Variants in CPXM2 observed in about 807,000 individuals in gnomAD.
CPXM2 encodes carboxypeptidase X, M14 family member 2.
CPXM2 carries 66 observed loss-of-function variants against 86.1 expected under a neutral mutation model. That is an observed-to-expected ratio of 0.77 (90% CI 0.63 to 0.94). The LOEUF (loss-of-function observed/expected upper bound fraction) is 0.94. Among genes scored for constraint, CPXM2 ranks in the 40% least tolerant of loss-of-function variants. CPXM2 has a pLI of 0.00. For missense variants in CPXM2, 948 were observed against 1,026.3 expected (o/e 0.92, Z 1.04); for synonymous variants, 388 against 400.2 (o/e 0.97, Z 0.36).
intron 2 of CPXM2, among the ~76,000 whole-genome samples, chr10:123,906,906 C>T (rs922426416): frequency 1.3e-5 from 2 of 152,182 alleles, no homozygotes; most frequent in South Asian, 2.1e-4. Context: ...CTGGCTGCCT[C>T]CCTTGCAATA....
Position 123,842,357 on chromosome 10 carries a change from G to A in CPXM2, c.645C>T (p.Ser215=). Residue 215 remains serine, a synonymous_variant, in exon 4 of 14, where the codon TCC becomes TCT. Coordinates refer to ENST00000241305, the MANE Select transcript of CPXM2 (RefSeq NM_198148.3). ...TGTCCAGGTACACTCACAGCCAGAGGGAGTTCCTCCCTTGAGTGATGACAC... is the reference window on the plus strand; with the variant it reads ...TGTCCAGGTACACTCACAGCCAGAGAGAGTTCCTCCCTTGAGTGATGACAC... ...FTGVITQGRN[S]LWLSDWVTSY... is the part of the protein sequence containing the mutation. 1 of 1,614,224 alleles carries A rather than the reference G, an allele frequency of 6.2e-7. No homozygotes were observed. Among genetic ancestry groups the A allele is most frequent in the Non-Finnish European group, 8.5e-7 (1 of 1,180,048 alleles).
At chr10:123,830,872 C>G (rs61863831) in intron 4 of CPXM2, among the ~76,000 whole-genome samples, 3,399 of 142,636 alleles carry the variant, frequency 0.024, 63 homozygotes, top group South Asian at 0.073. Flanking sequence ...CTCTCTCTCT[C>G]TGTGTGTGTG....
At chr10:123,840,022 C>G (rs997867257) in intron 4 of CPXM2, among the ~76,000 whole-genome samples, 1 of 152,190 alleles carries the variant, frequency 6.6e-6, no homozygotes, top group South Asian at 2.1e-4. Context: ...GTGTTTCTAG[C>G]TGAAATGGAA....
intron 2 of CPXM2, among the ~76,000 whole-genome samples, chr10:123,925,220 A>C (rs1474951275): frequency 6.6e-6 from 1 of 152,172 alleles, no homozygotes; most frequent in South Asian, 2.1e-4. Context: ...ACATGTTTCT[A>C]GCAGGGAGAA....
chr10:123,856,555 A>C (rs1251929826), intron 3 of CPXM2, among the ~76,000 whole-genome samples: 5 of 152,078 alleles, frequency 3.3e-5, no homozygotes, highest in African/African-American at 1.2e-4. Flanking sequence ...CCTACAGGCA[A>C]AGGATCCAAG....
chr10:123,916,049 C>G (rs772060240), intron 2 of CPXM2, among the ~76,000 whole-genome samples: 2 of 152,062 alleles, frequency 1.3e-5, no homozygotes, highest in Admixed American at 6.6e-5. Flanking sequence ...TAAGGCTGCT[C>G]TTTCTCAGGC....
intron 10 of CPXM2, among the ~76,000 whole-genome samples, chr10:123,762,651 G>A (rs1846373337): frequency 6.6e-6 from 1 of 152,128 alleles, no homozygotes; most frequent in Non-Finnish European, 1.5e-5. Context: ...GCTGAGATGG[G>A]TCCATGGCGA....
chr10:123,923,805 T>A (rs1945599012), intron 2 of CPXM2, among the ~76,000 whole-genome samples: 1 of 152,132 alleles, frequency 6.6e-6, no homozygotes, highest in Admixed American at 6.5e-5. Context: ...TCTGATGGTT[T>A]TATAAAGGGG....
At chr10:123,796,578 T>TA (rs56107232) in intron 6 of CPXM2, among the ~76,000 whole-genome samples, 1 of 152,162 alleles carries the variant, frequency 6.6e-6, no homozygotes, top group Non-Finnish European at 1.5e-5. Flanking sequence ...GTTTGTATTC[T>TA]AAAAAATCTG....
chr10:123,750,840 G>A (rs566175978), intron 13 of CPXM2: 28 of 985,444 alleles, frequency 2.8e-5, no homozygotes, highest in Admixed American at 6.1e-5. Flanking sequence ...GCCTGGCAGG[G>A]CACGCTGTCC....
Position 123,931,147 on chromosome 10 carries a change from C to T in CPXM2, n.174+8330G>A, listed in dbSNP as rs145495214. On this transcript the variant is annotated intron_variant and non_coding_transcript_variant, in intron 2 of 19. Transcript: ENST00000368854. ...TACCATCATCTGGCAAAGAGACTTC[C>T]GGTGGGAAGGGGTGGGGACCAAGTG... Among the ~76,000 whole-genome samples, 59 of 152,214 alleles carry T rather than the reference C, an allele frequency of 3.9e-4. No homozygotes were observed. The East Asian group carries it at 4.1e-3, about 10-fold the overall frequency.
chr10:123,769,418 CA>C (rs1365499395), intron 8 of CPXM2: 2 of 151,928 alleles, frequency 1.3e-5, no homozygotes, highest in African/African-American at 4.8e-5. Flanking sequence ...CTACAAAAAT[CA>C]AAAATAAAAA....
intron 3 of CPXM2, among the ~76,000 whole-genome samples, chr10:123,854,913 T>C (rs1019946245): frequency 2.6e-5 from 4 of 152,120 alleles, no homozygotes; most frequent in African/African-American, 9.7e-5. Flanking sequence ...CTGAACCAGA[T>C]AATCCTGTGG....
intron 3 of CPXM2, among the ~76,000 whole-genome samples, chr10:123,848,784 C>T (rs1266765528): frequency 6.6e-6 from 1 of 152,222 alleles, no homozygotes; most frequent in Non-Finnish European, 1.5e-5. Context: ...TTCAGAAATG[C>T]ATGCAGGTCA....
chr10:123,841,372 A>G (rs1848382136), intron 4 of CPXM2, among the ~76,000 whole-genome samples: 1 of 152,240 alleles, frequency 6.6e-6, no homozygotes. Flanking sequence ...TAAACATAAC[A>G]TAAAATTTAT....
chr10:123,919,134 A>T (rs889497797), intron 2 of CPXM2, among the ~76,000 whole-genome samples: 1 of 152,184 alleles, frequency 6.6e-6, no homozygotes, highest in Admixed American at 6.5e-5. Flanking sequence ...TAACTGCTGT[A>T]CATCCACTGC....
intron 2 of CPXM2, among the ~76,000 whole-genome samples, chr10:123,872,398 T>A (rs747682426): frequency 1.3e-5 from 2 of 151,990 alleles, no homozygotes; most frequent in Non-Finnish European, 2.9e-5. Flanking sequence ...TCTCATAACA[T>A]CATATTGAGC....
intron 2 of CPXM2, among the ~76,000 whole-genome samples, chr10:123,874,742 C>G (rs1944952628): frequency 6.6e-6 from 1 of 152,192 alleles, no homozygotes; most frequent in African/African-American, 2.4e-5. Context: ...CCAAGAGCAA[C>G]AGAAGCACGT....
At chr10:123,828,064 G>A (rs926524891) in intron 4 of CPXM2, among the ~76,000 whole-genome samples, 8 of 152,108 alleles carry the variant, frequency 5.3e-5, no homozygotes, top group South Asian at 2.1e-4. Flanking sequence ...CTTGCTTCTC[G>A]GGAGGCTGAG....
Sources: gnomAD v4.1 joint callset for allele counts (sites outside exome capture counted in the v4.1 genomes callset) on GRCh38, gnomAD v4.1.1 for gene constraint, MANE v1.5 for transcripts, NCBI Gene and HGNC (gene_info 2026-07-23, HGNC 2026-07-21) for gene names.